Variants in SLC7A8 observed in about 807,000 individuals in gnomAD.
The protein encoded by SLC7A8 is solute carrier family 7 member 8, also known as large neutral amino acids transporter small subunit 2.
In SLC7A8, 30 loss-of-function variants were observed where a neutral mutation model predicts 51.2. The ratio of observed to expected loss-of-function variants is 0.59; its 90% CI spans 0.44 to 0.80. SLC7A8 has a LOEUF of 0.80. SLC7A8 is among the 30% of genes least tolerant of loss of function. The probability of loss-of-function intolerance (pLI) is 0.00; values close to 1 mark genes in which losing one functional copy is unlikely to be tolerated. For missense variants in SLC7A8, 612 were observed against 674.4 expected (o/e 0.91, Z 1.03); for synonymous variants, 257 against 275.8 (o/e 0.93, Z 0.67).
In SLC7A8 at chr14:23,182,881, C is replaced by G. The variant is rs904569848; in HGVS notation, c.34G>C (p.Glu12Gln). Residue 12 changes from glutamate to glutamine, a missense_variant, in exon 1 of 11, where the codon GAA becomes CAA. By Grantham distance (29) the Glu-to-Gln change is conservative. Transcript: ENST00000316902. ...EEGARHRNNT[E>Q]KKHPGGGESD... ...TCGCCCCCACCTGGGTGTTTCTTTT[C>G]GGTGTTGTTTCGGTGCCTGGCTCCT... is the stretch of plus-strand genomic sequence containing the variant. 8 of 1,614,120 alleles carry G rather than the reference C, an allele frequency of 5.0e-6. No homozygotes were observed. The highest frequency in any genetic ancestry group is 4.2e-6 in the Non-Finnish European group (5 of 1,179,998).
intron 3 of SLC7A8, among the ~76,000 whole-genome samples, chr14:23,152,717 G>A (rs928656192): frequency 6.6e-6 from 1 of 152,198 alleles, no homozygotes; most frequent in African/African-American, 2.4e-5. Flanking sequence ...ACCCGGTGAT[G>A]TTTTCAGGTG....
chr14:23,178,067 C>T (rs1374229323), intron 1 of SLC7A8, among the ~76,000 whole-genome samples: 1 of 152,160 alleles, frequency 6.6e-6, no homozygotes, highest in Non-Finnish European at 1.5e-5. Context: ...AGCAAAGTTG[C>T]TTACCCCTTT....
chr14:23,127,480 C>T (rs1278020510), intron 10 of SLC7A8, 137 bp from the exon 11 acceptor site: 25 of 992,940 alleles, frequency 2.5e-5, no homozygotes, highest in Admixed American at 1.0e-4. Context: ...AGAGAATCCT[C>T]GCCACCTGGT....
At chr14:23,177,324 C>T (rs1876968653) in intron 1 of SLC7A8, among the ~76,000 whole-genome samples, 1 of 152,238 alleles carries the variant, frequency 6.6e-6, no homozygotes, top group Non-Finnish European at 1.5e-5. Flanking sequence ...CAATCAAAGG[C>T]AGCCAACTGT....
intron 1 of SLC7A8, among the ~76,000 whole-genome samples, chr14:23,171,264 C>A (rs1370318028): frequency 6.6e-6 from 1 of 152,082 alleles, no homozygotes; most frequent in Non-Finnish European, 1.5e-5. Flanking sequence ...TCTAGGATGC[C>A]TGGACAATGA....
At chr14:23,136,479 A>C (rs940997402) in intron 7 of SLC7A8, among the ~76,000 whole-genome samples, 1 of 152,194 alleles carries the variant, frequency 6.6e-6, no homozygotes, top group Non-Finnish European at 1.5e-5. Context: ...CGATGACATT[A>C]AGCATAACAC....
chr14:23,129,522 A>G, intron 9 of SLC7A8, 128 bp downstream of exon 9: 1 of 1,147,916 alleles, frequency 8.7e-7, no homozygotes, highest in African/African-American at 1.6e-5. Flanking sequence ...CTTGCTTTCC[A>G]AAGGGTCTGC....
chr14:23,129,787 G>A lies in SLC7A8; in HGVS notation c.1126C>T (p.Leu376=). 1 of 1,614,154 alleles carries A rather than the reference G, an allele frequency of 6.2e-7. No individual in the cohort carries two copies. The highest frequency in any genetic ancestry group is 8.5e-7 in the Non-Finnish European group (1 of 1,180,012). Residue 376 remains leucine (L), a synonymous_variant, in exon 9 of 11, where the codon CTG becomes TTG. Transcript: ENST00000316902. ...PALLFTCIST[L]LMLVTSDMYT... ...ATGTCGCTGGTGACCAGCATCAGCA[G>A]GGTGGAGATGCACTGGGAAAGTGGG...
chr14:23,131,645 C>G (rs1453567681), intron 7 of SLC7A8, 88 bp from the exon 8 acceptor site: 15 of 995,246 alleles, frequency 1.5e-5, no homozygotes, highest in Non-Finnish European at 2.1e-5. Flanking sequence ...TCTGCCCACA[C>G]AGGGGCATCC....
At chr14:23,167,724 C>T (rs1310822757) in intron 1 of SLC7A8, among the ~76,000 whole-genome samples, 2 of 152,050 alleles carry the variant, frequency 1.3e-5, no homozygotes, top group African/African-American at 4.8e-5. Context: ...CTGCTAAATG[C>T]CTGAGGAAAG....
rs2048947083 is a variant in SLC7A8, at chr14:23,165,856, T to C, written c.357-420A>G. On this transcript the variant is annotated intron_variant, in intron 2 of 10. Coordinates refer to ENST00000316902, the MANE Select transcript of SLC7A8 (RefSeq NM_012244.4). This position sits in a 1 kb window ranked among gnomAD's most constrained non-coding sequence, Gnocchi z 4.2. ...GCGCCTTCCACACCTTTTGGCCCAT[T>C]GGTGAGGGTTTACCAATGGCAGGGA... 6.6e-6 allele frequency among the ~76,000 whole-genome samples: 1 copy of C among 152,084 alleles called. No individual in the cohort carries two copies. The highest frequency in any genetic ancestry group is 6.5e-5 in the Admixed American group (1 of 15,270).
intron 8 of SLC7A8, chr14:23,130,014 A>G: frequency 1.8e-6 from 1 of 554,092 alleles, no homozygotes; most frequent in Non-Finnish European, 3.1e-6. Context: ...TGATCAAAAT[A>G]TTTAACCACT....
chr14:23,168,379 G>C (rs900945282), intron 1 of SLC7A8, among the ~76,000 whole-genome samples: 18 of 152,160 alleles, frequency 1.2e-4, no homozygotes, highest in African/African-American at 4.3e-4. Flanking sequence ...CTGCCAAACT[G>C]CTGTTCTCTG....
chr14:23,140,611 C>T lies in SLC7A8; in HGVS notation c.648G>A (p.Trp216Ter). The stretch of plus-strand genomic sequence containing the variant: ...TCTCAAATGCATTCTTTGGCTCCAG[C>T]CAGAAGTACTCTCCTGTGGACACAA... ...IVQICKGEYFWLEPKNAFENF... is the reference protein window; with the variant it reads ...IVQICKGEYF Residue 216 changes from tryptophan (W) to a stop codon, truncating the protein, a stop_gained, in exon 5 of 11, where the codon TGG (tryptophan) becomes TGA (stop). Transcript: ENST00000316902. LOFTEE classifies it high-confidence loss of function. 1.2e-6 allele frequency: 2 copies of T among 1,613,856 alleles called. No homozygotes were observed. The highest frequency in any genetic ancestry group is 1.7e-6 in the Non-Finnish European group (2 of 1,179,814).
intron 7 of SLC7A8, among the ~76,000 whole-genome samples, chr14:23,136,787 T>C (rs911069642): frequency 2.6e-5 from 4 of 152,176 alleles, no homozygotes; most frequent in African/African-American, 9.6e-5. Flanking sequence ...TCTCCTCCAA[T>C]AGATCTCAGG....
Position 23,165,407 on chromosome 14 carries a change from A to G in SLC7A8, c.386T>C (p.Val129Ala). Residue 129 changes from valine (V) to alanine (A), a missense_variant, in exon 3 of 11, where the codon GTG becomes GCG. Transcript: ENST00000316902. The surrounding 1 kb of genome is among the most constrained non-coding windows in gnomAD (Gnocchi z 4.2). Reference protein sequence around the residue: ...GFLRLWIAVLVIYPTNQAVIA... With the variant: ...GFLRLWIAVLAIYPTNQAVIA... ...GACAGCCTGGTTGGTGGGGTAGATC[A>G]CCAGCACAGCAATCCACAGCCTCAG... 6.3e-7 allele frequency: 1 copy of G among 1,596,644 alleles called. No individual in the cohort carries two copies. Among genetic ancestry groups the G allele is most frequent in the Non-Finnish European group, 8.5e-7 (1 of 1,173,158 alleles).
At chr14:23,129,557 G>A in intron 9 of SLC7A8, 93 bp downstream of exon 9, 1 of 1,432,720 alleles carries the variant, frequency 7.0e-7, no homozygotes, top group South Asian at 1.3e-5. Context: ...ATGACGTGTG[G>A]TCAGCAGCTA....
chr14:23,142,350 T>C (rs2140314289), intron 4 of SLC7A8, among the ~76,000 whole-genome samples: 1 of 152,334 alleles, frequency 6.6e-6, no homozygotes, highest in South Asian at 2.1e-4. Context: ...TGCAGAGCTC[T>C]CTCTCTCAGA....
chr14:23,132,150 T>C (rs1341071961), intron 7 of SLC7A8, among the ~76,000 whole-genome samples: 1 of 151,810 alleles, frequency 6.6e-6, no homozygotes, highest in African/African-American at 2.4e-5. Context: ...ATTACAGGTG[T>C]GTGCCACCAT....
Sources: allele counts gnomAD v4.1 joint callset (sites outside exome capture counted in the v4.1 genomes callset), GRCh38; gene constraint gnomAD v4.1.1; non-coding constraint Gnocchi (gnomAD v3.1); transcripts MANE v1.5; gene names NCBI Gene and HGNC (gene_info 2026-07-23, HGNC 2026-07-21).